EDA: variants seen among roughly 807,000 people sequenced by gnomAD.
EDA encodes ectodysplasin A.
EDA carries 2 observed loss-of-function variants against 23.6 expected under a neutral mutation model. The ratio of observed to expected loss-of-function variants is 0.08; its 90% CI spans 0.03 to 0.27. The LOEUF is 0.27. EDA is among the 10% of genes least tolerant of loss of function. The pLI, the probability that EDA is intolerant of heterozygous loss-of-function variation, is 1.00. For missense variants in EDA, 229 were observed against 324.2 expected, an observed-to-expected ratio of 0.71 and a Z score of 2.26; for synonymous variants, 131 against 132.0, an observed-to-expected ratio of 0.99 and a Z score of 0.05.
intron 1 of EDA, among the ~76,000 whole-genome samples, chrX:69,898,485 G>C (rs776767777): frequency 9.0e-6 from 1 of 110,773 alleles, no homozygotes; most frequent in Non-Finnish European, 1.9e-5. Flanking sequence ...AGGAGGCTGA[G>C]ACACGAGAAT....
intron 2 of EDA, among the ~76,000 whole-genome samples, chrX:69,997,303 T>G (rs1208441810): frequency 9.0e-6 from 1 of 111,524 alleles, no homozygotes; most frequent in East Asian, 2.8e-4. Context: ...GCAAAGGTGA[T>G]TCTTGTTATG....
chrX:69,835,651 G>C (rs1231469120), intron 1 of EDA, among the ~76,000 whole-genome samples: 1 of 111,220 alleles, frequency 9.0e-6, no homozygotes, highest in Non-Finnish European at 1.9e-5. Context: ...CTTGGGATGG[G>C]TTCAAACATC....
At chrX:69,787,524 A>G (rs941386838) in intron 1 of EDA, among the ~76,000 whole-genome samples, 4 of 99,805 alleles carry the variant, frequency 4.0e-5, no homozygotes, top group Non-Finnish European at 8.3e-5. Context: ...TTGTGTGTAA[A>G]GTATTTTATT....
At chrX:69,642,343 C>T (rs1447716291) in intron 1 of EDA, among the ~76,000 whole-genome samples, 1 of 110,895 alleles carries the variant, frequency 9.0e-6, no homozygotes, top group African/African-American at 3.3e-5. Context: ...TTGTGAAGAC[C>T]ACATTGAAGT....
At chrX:69,924,792 T>G (rs1012343562) in intron 1 of EDA, among the ~76,000 whole-genome samples, 1 of 112,153 alleles carries the variant, frequency 8.9e-6, no homozygotes, top group Admixed American at 9.5e-5. Context: ...ATGGAATGTT[T>G]TTCCAATTGT....
At chrX:69,836,540 C>T (rs762244600) in intron 1 of EDA, among the ~76,000 whole-genome samples, 3 of 112,602 alleles carry the variant, frequency 2.7e-5, no homozygotes, top group Non-Finnish European at 5.6e-5. Context: ...ACCCACCGAG[C>T]CAGGCATTGG....
intron 1 of EDA, among the ~76,000 whole-genome samples, chrX:69,908,225 G>A (rs2018207422): frequency 9.0e-6 from 1 of 111,353 alleles, no homozygotes; most frequent in Admixed American, 9.6e-5. Flanking sequence ...TTCTTGATAG[G>A]ATCACTAAAC....
intron 1 of EDA, among the ~76,000 whole-genome samples, chrX:69,652,562 T>A (rs1286664607): frequency 6.3e-5 from 7 of 111,719 alleles, no homozygotes; most frequent in Non-Finnish European, 1.9e-5. Flanking sequence ...TTTAGTAGAT[T>A]TCTAGCTTAA....
rs2020290045 is a variant in EDA at position 70,038,209 on chromosome X, T to C, written c.*2600T>C. ...CCCCTAAAGAGCATCCTGATACCAT[T>C]CTATTCTCCAGACATGGAGGGGATG... On this transcript the variant is annotated 3_prime_UTR_variant, in exon 8 of 8. Transcript: ENST00000374552. 1 of 110,334 alleles carries C rather than the reference T, an allele frequency of 9.1e-6. No individual in the cohort carries two copies. The highest frequency in any genetic ancestry group is 1.9e-5 in the Non-Finnish European group (1 of 52,864). 9.1% of individuals were successfully genotyped at this position (110,334 alleles called of 1,213,427 possible).
intron 1 of EDA, among the ~76,000 whole-genome samples, chrX:69,918,447 G>A (rs777479735): frequency 1.8e-4 from 20 of 111,710 alleles, no homozygotes; most frequent in African/African-American, 6.2e-4. Flanking sequence ...GTGAACCACC[G>A]TGCCCGGCCA....
chrX:69,676,618 A>G (rs934147319), intron 1 of EDA, among the ~76,000 whole-genome samples: 2 of 110,524 alleles, frequency 1.8e-5, no homozygotes, highest in South Asian at 3.9e-4. Context: ...GGCTGTATCA[A>G]TAATCTTGAT....
intron 1 of EDA, among the ~76,000 whole-genome samples, chrX:69,816,060 G>A (rs956041844): frequency 9.0e-6 from 1 of 111,414 alleles, no homozygotes; most frequent in Admixed American, 9.5e-5. Flanking sequence ...GACAAACCAA[G>A]GCAACTGGGG....
At chrX:69,774,074 CCT>C (rs2014710227) in intron 1 of EDA, among the ~76,000 whole-genome samples, 1 of 111,708 alleles carries the variant, frequency 9.0e-6, no homozygotes, top group South Asian at 3.7e-4. Context: ...AAGGCAACAC[CCT>C]GTTAGGCACT....
intron 2 of EDA, among the ~76,000 whole-genome samples, chrX:69,969,741 A>G (rs1199730854): frequency 4.5e-5 from 5 of 111,605 alleles, no homozygotes; most frequent in African/African-American, 1.6e-4. Context: ...TCCAGAAGCT[A>G]TCAGAAGCAA....
intron 1 of EDA, among the ~76,000 whole-genome samples, chrX:69,796,024 C>T (rs2015534745): frequency 8.9e-6 from 1 of 111,888 alleles, no homozygotes; most frequent in African/African-American, 3.3e-5. Context: ...ACCAGCATAG[C>T]ACCTACCTAC....
At position 69,702,953 on chromosome X, in the gene EDA, G is replaced by GT. The variant is rs368110900; in HGVS notation, c.396+86263dup. ...TTTGTCTGAGGCCTAAGGTTTGCAAGTTTTTTTTTTTTTTATGAGGCAGCC... is the reference window on the plus strand; with the variant it reads ...TTTGTCTGAGGCCTAAGGTTTGCAAGTTTTTTTTTTTTTTTATGAGGCAGCC... On this transcript the variant is annotated intron_variant, in intron 1 of 7. Transcript: ENST00000374552. Among the ~76,000 whole-genome samples the GT allele has an allele frequency of 4.6e-3, 466 of 101,847 alleles. 1 individual carries two copies. Among genetic ancestry groups the GT allele is most frequent in the Admixed American group, 5.9e-3 (56 of 9,421 alleles). 88.4% of individuals were successfully genotyped at this position (101,847 alleles called of 115,157 possible).
At chrX:69,709,161 A>G (rs2011862989) in intron 1 of EDA, among the ~76,000 whole-genome samples, 1 of 112,065 alleles carries the variant, frequency 8.9e-6, no homozygotes, top group Admixed American at 9.5e-5. Context: ...GACCTTTGTG[A>G]AAGGCTTTTT....
At chrX:69,857,726 C>T (rs2017290569) in intron 1 of EDA, among the ~76,000 whole-genome samples, 1 of 105,770 alleles carries the variant, frequency 9.5e-6, no homozygotes, top group Admixed American at 1.0e-4. Flanking sequence ...TTTTTTGGTT[C>T]CATATGAATT....
intron 2 of EDA, among the ~76,000 whole-genome samples, chrX:69,979,041 C>T (rs1451636424): frequency 9.0e-6 from 1 of 111,524 alleles, no homozygotes; most frequent in Admixed American, 9.6e-5. Context: ...ACTCTGTGTC[C>T]ATCAAACAAT....
Sources: allele counts gnomAD v4.1 joint callset (sites outside exome capture counted in the v4.1 genomes callset), GRCh38; gene constraint gnomAD v4.1.1; transcripts MANE v1.5; gene names NCBI Gene and HGNC (gene_info 2026-07-23, HGNC 2026-07-21).